The following TMEM184C variants were observed in gnomAD, a reference collection of about 807,000 sequenced individuals.
TMEM184C encodes the protein transmembrane protein 184C.
In TMEM184C, 25 loss-of-function variants were observed where a neutral mutation model predicts 54.5. The observed-to-expected ratio is 0.46, with a 90% CI of 0.33 to 0.64. The LOEUF (loss-of-function observed/expected upper bound fraction) is 0.64. Among genes scored for constraint, TMEM184C ranks in the 30% least tolerant of loss-of-function variants. The pLI is 0.02. For synonymous variants in TMEM184C, 148 were observed against 181.5 expected, an observed-to-expected ratio of 0.82 and a Z score of 1.49; for missense variants, 335 against 520.3, an observed-to-expected ratio of 0.64 and a Z score of 3.46.
chr4:147,631,976 TC>T (rs1321780448), intron 7 of TMEM184C, among the ~76,000 whole-genome samples: 1 of 151,992 alleles, frequency 6.6e-6, no homozygotes, highest in Admixed American at 6.6e-5. Context: ...GGTTGGGAGT[TC>T]CAGACTAGCC....
Position 147,633,828 on chromosome 4 carries a change from A to C in TMEM184C, c.943A>C (p.Lys315Gln). ...AIAHHYTFSY[K>Q]PYVQEAEEGS... ...TGCTCATCATTACACATTCTCATAT[A>C]AACCATATGTCCAAGAAGCAGAAGA... The change falls in exon 9 of 10, where the codon AAA (lysine) becomes CAA (glutamine). Residue 315 changes from lysine to glutamine, a missense_variant. Transcript: ENST00000296582. The C allele has an allele frequency of 6.2e-7, 1 of 1,613,788 alleles. No homozygotes were observed. Among genetic ancestry groups the C allele is most frequent in the Non-Finnish European group, 8.5e-7 (1 of 1,179,930 alleles).
rs974994646 is a variant in TMEM184C at position 147,621,380 on chromosome 4, A to G, written c.124-2454A>G. On this transcript the variant is annotated intron_variant, in intron 1 of 9. Coordinates refer to ENST00000296582, the MANE Select transcript of TMEM184C (RefSeq NM_018241.3). Reference sequence around the variant, plus strand: ...CTCTTCTTTCCTAAAGTTACCCATGAAAAAAAATCTGTTTATCTCCTCCTC... The same window carrying G: ...CTCTTCTTTCCTAAAGTTACCCATGGAAAAAAATCTGTTTATCTCCTCCTC... Among the ~76,000 whole-genome samples, 22 of 152,050 alleles carry G rather than the reference A, an allele frequency of 1.4e-4. 1 individual carries two copies. Among genetic ancestry groups the G allele is most frequent in the Admixed American group, 1.3e-3 (20 of 15,258 alleles).
intron 1 of TMEM184C, among the ~76,000 whole-genome samples, chr4:147,622,773 T>C (rs916979119): frequency 6.6e-6 from 1 of 152,200 alleles, no homozygotes; most frequent in African/African-American, 2.4e-5. Context: ...GGTTTGTTTT[T>C]GTTTTTGAGA....
intron 3 of TMEM184C, among the ~76,000 whole-genome samples, chr4:147,624,560 CTTTA>C (rs1018644516): frequency 1.3e-5 from 2 of 152,136 alleles, no homozygotes; most frequent in African/African-American, 4.8e-5. Context: ...TAGCTTCTCT[CTTTA>C]TTCATTATTT....
intron 5 of TMEM184C, among the ~76,000 whole-genome samples, chr4:147,628,848 T>C (rs148965168): frequency 7.8e-4 from 119 of 152,306 alleles, no homozygotes; most frequent in African/African-American, 2.4e-3. Context: ...TTTTAATATA[T>C]TCTATCAAGG....
chr4:147,633,630 AAATG>A, intron 8 of TMEM184C, 131 bp from the exon 9 acceptor site: 1 of 745,690 alleles, frequency 1.3e-6, no homozygotes, highest in East Asian at 3.1e-5. Flanking sequence ...GAAAATGGAA[AAATG>A]AATATAATCT....
At chr4:147,629,009 GGAAA>G (rs1221213685) in intron 5 of TMEM184C, among the ~76,000 whole-genome samples, 1 of 152,090 alleles carries the variant, frequency 6.6e-6, no homozygotes, top group Admixed American at 6.5e-5. Flanking sequence ...GAGGAAAAGT[GGAAA>G]GAAAGACTTG....
chr4:147,623,507 C>T (rs1406233151), intron 1 of TMEM184C, among the ~76,000 whole-genome samples: 2 of 150,850 alleles, frequency 1.3e-5, no homozygotes, highest in African/African-American at 4.9e-5. Context: ...TAATTGTAAA[C>T]TGCTCAACCC....
chr4:147,626,379 G>A (rs940170795), intron 4 of TMEM184C, among the ~76,000 whole-genome samples: 14 of 152,196 alleles, frequency 9.2e-5, no homozygotes, highest in African/African-American at 3.4e-4. Flanking sequence ...ACACAAGATG[G>A]AGTCGGTTTA....
Position 147,628,393 on chromosome 4 carries a change from T to G in TMEM184C, c.530T>G (p.Leu177Ter), listed in dbSNP as rs765028072. 2 of 1,613,874 alleles carry G rather than the reference T, an allele frequency of 1.2e-6. No homozygotes were observed. The highest frequency in any genetic ancestry group is 1.7e-6 in the Non-Finnish European group (2 of 1,179,916). ...VLLFRCKLGV[L>*]QYTVVRPFTT... ...CTGTTTAGGTGCAAACTAGGTGTAT[T>G]ACAGTACACAGTTGTCAGACCTTTC... Residue 177 changes from leucine to a stop codon, truncating the protein, a stop_gained, in exon 5 of 10, where the codon TTA becomes TGA. Coordinates refer to ENST00000296582, the MANE Select transcript of TMEM184C (RefSeq NM_018241.3). LOFTEE classifies it high-confidence loss of function.
Position 147,631,400 on chromosome 4 carries a change from T to C in TMEM184C, c.674T>C (p.Met225Thr). The C allele has an allele frequency of 6.3e-7, 1 of 1,575,174 alleles. No individual in the cohort carries two copies. The highest frequency in any genetic ancestry group is 8.5e-7 in the Non-Finnish European group (1 of 1,170,360). The change falls in exon 7 of 10, where the codon ATG becomes ACG. Residue 225 changes from methionine (M) to threonine (T), a missense_variant. Transcript: ENST00000296582. ...IINNMSQLFAMYCLLLFYKVL... is the reference protein window; with the variant it reads ...IINNMSQLFATYCLLLFYKVL... The stretch of plus-strand genomic sequence containing the variant: ...TGTTAATCTTGTTTCTAGTTTGCCA[T>C]GTATTGTCTCCTGCTCTTTTATAAA...
At position 147,628,544 on chromosome 4, in the gene TMEM184C, A is replaced by C. The variant is rs1170964307; in HGVS notation, c.572+109A>C. 3.6e-6 allele frequency: 3 copies of C among 844,204 alleles called. No individual in the cohort carries two copies. In the Admixed American group the frequency reaches 7.7e-5, roughly 22 times the overall value. The allele number at this position is 844,204 out of a possible 1,614,324, so 52.3% of individuals were successfully genotyped here. A position where few individuals can be genotyped will look rare whatever the true frequency, so the allele number is the denominator to read the frequency against. ...ATGTGCTTATTTATAATGCAGGTCT[A>C]GTCTGTTGTAAAAAAAAACACTGTA... is the stretch of plus-strand genomic sequence containing the variant. On this transcript the variant is annotated intron_variant, in intron 5 of 9. Transcript: ENST00000296582.
At chr4:147,625,740 A>G (rs762791009) in intron 4 of TMEM184C, among the ~76,000 whole-genome samples, 1 of 152,230 alleles carries the variant, frequency 6.6e-6, no homozygotes, top group Non-Finnish European at 1.5e-5. Flanking sequence ...TGAAAAATCA[A>G]TAGGACATGT....
intron 4 of TMEM184C, among the ~76,000 whole-genome samples, chr4:147,626,447 G>T (rs1732817094): frequency 6.6e-6 from 1 of 152,126 alleles, no homozygotes; most frequent in Non-Finnish European, 1.5e-5. Flanking sequence ...ACTAATAAAT[G>T]AGGAATAAGG....
intron 5 of TMEM184C, among the ~76,000 whole-genome samples, chr4:147,629,319 G>A (rs1732869167): frequency 6.6e-6 from 1 of 151,878 alleles, no homozygotes; most frequent in Non-Finnish European, 1.5e-5. Flanking sequence ...CTAGTTAAGT[G>A]TTATGTGTCT....
At chr4:147,625,381 T>C (rs1732795327) in intron 4 of TMEM184C, among the ~76,000 whole-genome samples, 1 of 152,250 alleles carries the variant, frequency 6.6e-6, no homozygotes, top group Non-Finnish European at 1.5e-5. Flanking sequence ...ACATATGATA[T>C]GAAGTAGGAG....
At position 147,635,740 on chromosome 4, in the gene TMEM184C, G is replaced by A. The variant is rs1439495741; in HGVS notation, c.*1306G>A. On this transcript the variant is annotated 3_prime_UTR_variant, in exon 10 of 10. Transcript: ENST00000296582. ...CTGGGCTCTATGTAAAAACCCCAAA[G>A]ATACACACACAAAAAAAATCTGTTT... 2 of 151,956 alleles carry A rather than the reference G, an allele frequency of 1.3e-5. No individual in the cohort carries two copies. The highest frequency in any genetic ancestry group is 6.6e-5 in the Admixed American group (1 of 15,254). 9.4% of individuals were successfully genotyped at this position (151,956 alleles called of 1,614,324 possible).
rs1733032013 is a variant in TMEM184C, at chr4:147,635,988, G to A, written c.*1554G>A. ...AACTATGAAACACTGATGAAAGAAA[G>A]ACACAAATAAATGGAAAGGTATCCC... On this transcript the variant is annotated 3_prime_UTR_variant, in exon 10 of 10. Transcript: ENST00000296582. The A allele has an allele frequency of 6.6e-6, 1 of 151,988 alleles. No homozygotes were observed. Among genetic ancestry groups the A allele is most frequent in the Admixed American group, 6.6e-5 (1 of 15,252 alleles). The allele number at this position is 151,988 out of a possible 1,614,324, so 9.4% of individuals were successfully genotyped here.
rs201861076 is a variant in TMEM184C, at chr4:147,634,255, T to C, written c.1138T>C (p.Ser380Pro). 3 of 1,614,188 alleles carry C rather than the reference T, an allele frequency of 1.9e-6. No individual in the cohort carries two copies. Among genetic ancestry groups the C allele is most frequent in the East Asian group, 2.2e-5 (1 of 44,884 alleles). ...ACATACAAGTTTATTATCATCATCA[T>C]CACAAGATGCAATTTCCATTGCTTC... ...NEHTSLLSSS[S>P]QDAISIASSM... is the part of the protein sequence containing the mutation. The change falls in exon 10 of 10, where the codon TCA (serine) becomes CCA (proline). Residue 380 changes from serine to proline, a missense_variant. Coordinates refer to ENST00000296582, the MANE Select transcript of TMEM184C (RefSeq NM_018241.3).
Sources: allele counts gnomAD v4.1 joint callset (sites outside exome capture counted in the v4.1 genomes callset), GRCh38; gene constraint gnomAD v4.1.1; transcripts MANE v1.5; gene names NCBI Gene and HGNC (gene_info 2026-07-23, HGNC 2026-07-21).